TFAM: variants seen among roughly 807,000 people sequenced by gnomAD.
TFAM encodes transcription factor A, mitochondrial.
TFAM carries 13 observed loss-of-function variants against 30.6 expected under a neutral mutation model. That is an observed-to-expected ratio of 0.42 (90% confidence interval 0.28 to 0.67). The LOEUF is 0.67. TFAM is among the 30% of genes least tolerant of loss of function. TFAM has a pLI of 0.21. For synonymous variants in TFAM, 106 were observed against 94.8 expected (o/e 1.12, Z -0.69); for missense variants, 231 against 293.7 (o/e 0.79, Z 1.56).
Position 58,390,983 on chromosome 10 carries a change from G to A in TFAM, c.537+123G>A, listed in dbSNP as rs1031150245. The A allele has an allele frequency of 3.8e-5, 34 of 887,614 alleles. No individual in the cohort carries two copies. The African/African-American group carries it at 5.8e-4, about 15-fold the overall frequency. 55.0% of individuals were successfully genotyped at this position (887,614 alleles called of 1,614,324 possible). On this transcript the variant is annotated intron_variant, in intron 5 of 6. Transcript: ENST00000487519. The stretch of plus-strand genomic sequence containing the variant: ...CCAGACAGTAAACTCTTTTGCTAAG[G>A]CCCTCTTTAAAGAAAAATCTTTTTT...
intron 5 of TFAM, 85 bp downstream of exon 5, chr10:58,390,945 A>AAGT (rs1840580717): frequency 8.2e-7 from 1 of 1,214,802 alleles, no homozygotes; most frequent in Non-Finnish European, 1.2e-6. Flanking sequence ...TAGTGAAGAA[A>AAGT]AGTAGTGAAT....
At chr10:58,392,875 C>T (rs1456013502) in intron 5 of TFAM, among the ~76,000 whole-genome samples, 1 of 152,062 alleles carries the variant, frequency 6.6e-6, no homozygotes, top group East Asian at 1.9e-4. Context: ...GGGGTCTCAT[C>T]ATATTACCCC....
rs997930367 is a variant in TFAM at position 58,398,961 on chromosome 10, A to G, written c.*3887A>G. 2 of 152,340 alleles carry G rather than the reference A, an allele frequency of 1.3e-5. No individual in the cohort carries two copies. The highest frequency in any genetic ancestry group is 4.8e-5 in the African/African-American group (2 of 41,586). The allele number at this position is 152,340 out of a possible 1,614,324, so 9.4% of individuals were successfully genotyped here. On this transcript the variant is annotated 3_prime_UTR_variant, in exon 7 of 7. Coordinates refer to ENST00000487519, the MANE Select transcript of TFAM (RefSeq NM_003201.3). ...AAATTGAACTTCTGCAGAGTAAGAA[A>G]ATGAATACATTTATTACTTTAAATT...
chr10:58,394,129 A>G (rs955043731), intron 5 of TFAM, among the ~76,000 whole-genome samples: 1 of 152,218 alleles, frequency 6.6e-6, no homozygotes, highest in African/African-American at 2.4e-5. Flanking sequence ...ATGACAACAC[A>G]TAGATTATAC....
intron 3 of TFAM, 99 bp downstream of exon 3, chr10:58,388,359 A>G (rs1000756200): frequency 1.4e-5 from 14 of 1,031,480 alleles, no homozygotes; most frequent in Admixed American, 1.1e-4. Flanking sequence ...CTTTTTAAAA[A>G]ATAATCTGTT....
At chr10:58,394,906 T>G in intron 6 of TFAM, 22 bp from the exon 7 acceptor site, 1 of 1,603,816 alleles carries the variant, frequency 6.2e-7, no homozygotes, top group Non-Finnish European at 8.5e-7. Context: ...TAAATCATTT[T>G]AACAGTTATG....
rs990079315 is a variant in TFAM at position 58,397,545 on chromosome 10, A to G, written c.*2471A>G. On this transcript the variant is annotated 3_prime_UTR_variant, in exon 7 of 7. Transcript: ENST00000487519. ...AATAATGTAATTTTTAATATTTTAA[A>G]TAATAGGATAACCTGGTTTCCAAGC... The G allele has an allele frequency of 3.3e-5, 5 of 152,272 alleles. No homozygotes were observed. The highest frequency in any genetic ancestry group is 1.2e-4 in the African/African-American group (5 of 41,560). 9.4% of individuals were successfully genotyped at this position (152,272 alleles called of 1,614,324 possible).
At position 58,396,000 on chromosome 10, in the gene TFAM, A is replaced by AGCCTGCT. The variant is rs1716173627; in HGVS notation, c.*934_*940dup. 5.7e-6 allele frequency: 1 copy of AGCCTGCT among 176,840 alleles called. No individual in the cohort carries two copies. Among genetic ancestry groups the AGCCTGCT allele is most frequent in the Non-Finnish European group, 1.2e-5 (1 of 84,896 alleles). The allele number at this position is 176,840 out of a possible 1,614,324, so 11.0% of individuals were successfully genotyped here. A position where few individuals can be genotyped will look rare whatever the true frequency, so the allele number is the denominator to read the frequency against. ...CAACTATGGCCTGTGGATCAAATCC[A>AGCCTGCT]GCCTGCTGCCTGCTTTTTATGGCCT... On this transcript the variant is annotated 3_prime_UTR_variant, in exon 7 of 7. Coordinates refer to ENST00000487519, the MANE Select transcript of TFAM (RefSeq NM_003201.3).
rs896425392 is a variant in TFAM at position 58,397,363 on chromosome 10, C to T, written c.*2289C>T. On this transcript the variant is annotated 3_prime_UTR_variant, in exon 7 of 7. Coordinates refer to ENST00000487519, the MANE Select transcript of TFAM (RefSeq NM_003201.3). Reference sequence around the variant, plus strand: ...TTTATACTTAACATTCATATCATACCTTCCCAAATATATTGGGAAGTTCAG... The same window carrying T: ...TTTATACTTAACATTCATATCATACTTTCCCAAATATATTGGGAAGTTCAG... The T allele has an allele frequency of 6.6e-6, 1 of 152,042 alleles. No homozygotes were observed. The highest frequency in any genetic ancestry group is 2.1e-4 in the South Asian group (1 of 4,830). 9.4% of individuals were successfully genotyped at this position (152,042 alleles called of 1,614,324 possible). A position where few individuals can be genotyped will look rare whatever the true frequency, so the allele number is the denominator to read the frequency against.
At chr10:58,391,627 C>T (rs1281981304) in intron 5 of TFAM, among the ~76,000 whole-genome samples, 3 of 151,788 alleles carry the variant, frequency 2.0e-5, no homozygotes, top group Non-Finnish European at 4.4e-5. Flanking sequence ...TACCTACCAC[C>T]GTTTAAGCTA....
Position 58,397,116 on chromosome 10 carries a change from G to A in TFAM, c.*2042G>A, listed in dbSNP as rs1277915899. On this transcript the variant is annotated 3_prime_UTR_variant, in exon 7 of 7. Coordinates refer to ENST00000487519, the MANE Select transcript of TFAM (RefSeq NM_003201.3). Reference sequence around the variant, plus strand: ...TACTAATTATGTACAGTCCCTAGGAGAATGGAGAAAATCATAACTCAAATC... The same window carrying A: ...TACTAATTATGTACAGTCCCTAGGAAAATGGAGAAAATCATAACTCAAATC... The A allele has an allele frequency of 1.3e-5, 2 of 152,138 alleles. No homozygotes were observed. The highest frequency in any genetic ancestry group is 3.9e-4 in the East Asian group (2 of 5,192). 9.4% of individuals were successfully genotyped at this position (152,138 alleles called of 1,614,324 possible).
At chr10:58,390,326 G>A (rs1458845923) in intron 4 of TFAM, among the ~76,000 whole-genome samples, 2 of 152,136 alleles carry the variant, frequency 1.3e-5, no homozygotes, top group African/African-American at 4.8e-5. Context: ...GAGCTTTAAA[G>A]GTGGAGACAT....
chr10:58,392,907 G>A lies in TFAM; in HGVS notation c.538-1451G>A, dbSNP rs956791727. Among the ~76,000 whole-genome samples the A allele has an allele frequency of 7.3e-5, 11 of 151,202 alleles. 1 individual carries two copies. In the South Asian group the frequency reaches 1.5e-3, roughly 20 times the overall value. The stretch of plus-strand genomic sequence containing the variant: ...CCCCAGGCTGGTCTTGAACTCCTGA[G>A]CTCAGGTGATCCACCCACCTCAGCC... On this transcript the variant is annotated intron_variant, in intron 5 of 6. Transcript: ENST00000487519.
At position 58,388,824 on chromosome 10, in the gene TFAM, G is replaced by A. The variant is rs1225871004; in HGVS notation, c.441+5G>A. ...AAAGCTATGACAAAAAAAAAAGTGA[G>A]TATCATTGAAATACTTTTTTCTTAT... On this transcript the variant is annotated splice_donor_5th_base_variant and intron_variant, in intron 4 of 6. Coordinates refer to ENST00000487519, the MANE Select transcript of TFAM (RefSeq NM_003201.3). The A allele has an allele frequency of 6.3e-7, 1 of 1,598,748 alleles. No individual in the cohort carries two copies. The highest frequency in any genetic ancestry group is 1.3e-5 in the African/African-American group (1 of 74,440).
chr10:58,387,919 G>C (rs1284869764), intron 2 of TFAM, among the ~76,000 whole-genome samples: 1 of 151,266 alleles, frequency 6.6e-6, no homozygotes, highest in East Asian at 1.9e-4. Flanking sequence ...GATGGCCTGG[G>C]TGACGGACCC....
In TFAM at chr10:58,395,016, A is replaced by G. The variant is rs770814394; in HGVS notation, c.683A>G (p.Lys228Arg). The G allele has an allele frequency of 1.2e-5, 20 of 1,613,734 alleles. No homozygotes were observed. The highest frequency in any genetic ancestry group is 5.0e-5 in the Admixed American group (3 of 60,004). The change falls in exon 7 of 7, where the codon AAG becomes AGG. Residue 228 changes from lysine to arginine, a missense_variant. Transcript: ENST00000487519. Reference sequence around the variant, plus strand: ...GAACAAATGATTGAAGTTGGACGAAAGGATCTTCTACGTCGCACAATAAAG... The same window carrying G: ...GAACAAATGATTGAAGTTGGACGAAGGGATCTTCTACGTCGCACAATAAAG... The part of the protein sequence containing the change: ...WEEQMIEVGR[K>R]DLLRRTIKKQ...
Position 58,397,090 on chromosome 10 carries a change from G to T in TFAM, c.*2016G>T, listed in dbSNP as rs148313338. The T allele has an allele frequency of 5.9e-4, 90 of 152,166 alleles. No homozygotes were observed. Among genetic ancestry groups the T allele is most frequent in the African/African-American group, 1.9e-3 (80 of 41,508 alleles). 9.4% of individuals were successfully genotyped at this position (152,166 alleles called of 1,614,324 possible). A position where few individuals can be genotyped will look rare whatever the true frequency, so the allele number is the denominator to read the frequency against. ...CTAAGTCCCTGTGTCATCTAGAATG[G>T]TACTAATTATGTACAGTCCCTAGGA... On this transcript the variant is annotated 3_prime_UTR_variant, in exon 7 of 7. Transcript: ENST00000487519.
intron 5 of TFAM, among the ~76,000 whole-genome samples, chr10:58,393,745 A>T (rs947319790): frequency 6.6e-6 from 1 of 152,134 alleles, no homozygotes; most frequent in Non-Finnish European, 1.5e-5. Context: ...TTTTAAAAAA[A>T]TTAACCAGGC....
intron 4 of TFAM, among the ~76,000 whole-genome samples, chr10:58,389,105 G>A (rs954697615): frequency 3.3e-5 from 5 of 152,182 alleles, no homozygotes; most frequent in African/African-American, 9.6e-5. Context: ...ACAGAGTTAT[G>A]AAACAGTCAA....
Sources: gnomAD v4.1 joint callset for allele counts (sites outside exome capture counted in the v4.1 genomes callset) on GRCh38, gnomAD v4.1.1 for gene constraint, MANE v1.5 for transcripts, NCBI Gene and HGNC (gene_info 2026-07-23, HGNC 2026-07-21) for gene names.